LGMN: variants seen among roughly 807,000 people sequenced by gnomAD.
The protein encoded by LGMN is asparaginyl endopeptidase.
Under a neutral mutation model 56.8 loss-of-function variants are expected in LGMN, and 36 were observed. The observed-to-expected ratio is 0.63, with a 90% CI of 0.49 to 0.84. The LOEUF is 0.84. Among genes scored for constraint, LGMN ranks in the 40% least tolerant of loss-of-function variants. The probability of loss-of-function intolerance (pLI) is 0.00; values close to 1 mark genes in which losing one functional copy is unlikely to be tolerated. For synonymous variants in LGMN, 199 were observed against 210.1 expected, an observed-to-expected ratio of 0.95 and a Z score of 0.46; for missense variants, 446 against 556.1, an observed-to-expected ratio of 0.80 and a Z score of 1.99.
At chr14:92,704,424 G>A (rs375477084) in intron 13 of LGMN, 63 bp from the exon 14 acceptor site, 20 of 1,376,870 alleles carry the variant, frequency 1.5e-5, no homozygotes, top group African/African-American at 1.1e-4. Flanking sequence ...GCAGACAAAC[G>A]CAAACCCACA....
Position 92,711,923 on chromosome 14 carries a change from A to ACT in LGMN, c.641_642dup (p.Ser216ArgfsTer32). 6.2e-7 allele frequency: 1 copy of ACT among 1,613,826 alleles called. No individual in the cohort carries two copies. Among genetic ancestry groups the ACT allele is most frequent in the East Asian group, 2.2e-5 (1 of 44,866 alleles). ...TCATCATAGTAACAGGCGTAGGACG[A>ACT]CTCTCTGGGGTTGGCAGCAGTAGTT... On this transcript the variant is annotated frameshift_variant, in exon 9 of 14. Transcript: ENST00000334869. LOFTEE classifies it high-confidence loss of function.
intron 11 of LGMN, among the ~76,000 whole-genome samples, chr14:92,709,178 T>C (rs1410482903): frequency 6.6e-6 from 1 of 152,148 alleles, no homozygotes; most frequent in African/African-American, 2.4e-5. Context: ...TTGGATTTTT[T>C]TTTTTTTTAA....
At chr14:92,732,532 A>C (rs1470272955) in intron 2 of LGMN, 117 bp downstream of exon 2, 1 of 1,143,712 alleles carries the variant, frequency 8.7e-7, no homozygotes, top group African/African-American at 1.5e-5. Flanking sequence ...TGTTACAGCC[A>C]GCCTAACAGG....
At chr14:92,741,393 C>A (rs887211605) in intron 1 of LGMN, 12 of 152,198 alleles carry the variant, frequency 7.9e-5, no homozygotes, top group African/African-American at 2.9e-4. Flanking sequence ...TACACCTTAA[C>A]CACCATCAGG....
At chr14:92,709,943 GGA>G in intron 10 of LGMN, 71 bp from the exon 11 acceptor site, 5 of 1,288,392 alleles carry the variant, frequency 3.9e-6, no homozygotes, top group East Asian at 2.4e-5. Flanking sequence ...AGAGAGAGAG[GGA>G]GAGAGAGAGC....
chr14:92,743,395 C>T (rs965996881), intron 1 of LGMN, among the ~76,000 whole-genome samples: 2 of 151,870 alleles, frequency 1.3e-5, no homozygotes, highest in African/African-American at 2.4e-5. Context: ...CCCACCTACT[C>T]GGGAGGCTGA....
rs141037884 is a variant in LGMN at position 92,733,092 on chromosome 14, T to C, written c.-29-277A>G. Among the ~76,000 whole-genome samples the C allele has an allele frequency of 7.3e-3, 1,060 of 145,836 alleles. 17 individuals are homozygous for C. The highest frequency in any genetic ancestry group is 0.025 in the African/African-American group (984 of 39,114). On this transcript the variant is annotated intron_variant, in intron 1 of 13. Transcript: ENST00000334869. Reference sequence around the variant, plus strand: ...TGAACCCAGAAGACAGAGACTGCAGTGAGCTAGACTGTGCAACCATACTCC... The same window carrying C: ...TGAACCCAGAAGACAGAGACTGCAGCGAGCTAGACTGTGCAACCATACTCC...
chr14:92,745,364 A>G (rs879546807), intron 1 of LGMN, among the ~76,000 whole-genome samples: 4 of 152,206 alleles, frequency 2.6e-5, no homozygotes, highest in Non-Finnish European at 5.9e-5. Context: ...TTACTTCAAG[A>G]AATTGAAGGG....
chr14:92,708,628 G>A (rs1889567325), intron 11 of LGMN, among the ~76,000 whole-genome samples: 1 of 151,758 alleles, frequency 6.6e-6, no homozygotes, highest in African/African-American at 2.4e-5. Context: ...TGCCTAGACG[G>A]GTGGATCACC....
rs142727469 is a variant in LGMN, at chr14:92,704,181, T to TCCTGGAGCGAGC, written c.*126_*137dup. ...CGAGCAAGTCATCTTGTGAAGAAGG[T>TCCTGGAGCGAGC]CCTGGAGCGAGCCCTGGAGCGGGGG... On this transcript the variant is annotated 3_prime_UTR_variant, in exon 14 of 14. Coordinates refer to ENST00000334869, the MANE Select transcript of LGMN (RefSeq NM_005606.7). 2.0e-6 allele frequency: 2 copies of TCCTGGAGCGAGC among 1,025,416 alleles called. No homozygotes were observed. Among genetic ancestry groups the TCCTGGAGCGAGC allele is most frequent in the South Asian group, 2.6e-5 (2 of 78,322 alleles). The allele number at this position is 1,025,416 out of a possible 1,614,324, so 63.5% of individuals were successfully genotyped here. A position where few individuals can be genotyped will look rare whatever the true frequency, so the allele number is the denominator to read the frequency against.
chr14:92,715,246 T>C (rs1890014884), intron 5 of LGMN, among the ~76,000 whole-genome samples: 1 of 146,944 alleles, frequency 6.8e-6, no homozygotes, highest in Non-Finnish European at 1.5e-5. Flanking sequence ...TGAGACAGAG[T>C]CTCACTCTGT....
chr14:92,718,384 G>A (rs536180039), intron 3 of LGMN, among the ~76,000 whole-genome samples: 1 of 152,066 alleles, frequency 6.6e-6, no homozygotes, highest in African/African-American at 2.4e-5. Flanking sequence ...GACCAGCCTG[G>A]CCAACATGGT....
At chr14:92,709,619 C>A in intron 11 of LGMN, 53 bp downstream of exon 11, 1 of 1,480,018 alleles carries the variant, frequency 6.8e-7, no homozygotes, top group Middle Eastern at 2.4e-4. Context: ...ATGCATGCTG[C>A]CCACCTGGGC....
chr14:92,730,974 T>C (rs1374991285), intron 2 of LGMN, among the ~76,000 whole-genome samples: 2 of 151,974 alleles, frequency 1.3e-5, no homozygotes, highest in Non-Finnish European at 2.9e-5. Flanking sequence ...TAATTTCACC[T>C]TCTAAATGTG....
intron 1 of LGMN, among the ~76,000 whole-genome samples, chr14:92,740,107 G>A (rs996337037): frequency 1.3e-5 from 2 of 152,222 alleles, no homozygotes; most frequent in Non-Finnish European, 2.9e-5. Flanking sequence ...AATTAGCTGG[G>A]CGTGGTTGTA....
At chr14:92,708,856 C>CAAAAAAAAAAAAAAAAAAAAAA (rs58813848) in intron 11 of LGMN, among the ~76,000 whole-genome samples, 5 of 71,642 alleles carry the variant, frequency 7.0e-5, no homozygotes, top group African/African-American at 2.1e-4. Context: ...ACTCTTGTCT[C>CAAAAAAAAAAAAAAAAAAAAAA]AAAAAAAAAA....
chr14:92,735,621 C>T (rs774042902), intron 1 of LGMN, among the ~76,000 whole-genome samples: 3 of 152,132 alleles, frequency 2.0e-5, no homozygotes, highest in Non-Finnish European at 4.4e-5. Context: ...TGTCCTCAAC[C>T]CAGCATCCTG....
At chr14:92,710,187 C>T (rs1673813880) in intron 10 of LGMN, among the ~76,000 whole-genome samples, 1 of 152,244 alleles carries the variant, frequency 6.6e-6, no homozygotes, top group African/African-American at 2.4e-5. Context: ...CACCAGACAG[C>T]TCTGGTCCAA....
At chr14:92,739,979 G>A (rs141539161) in intron 1 of LGMN, among the ~76,000 whole-genome samples, 254 of 152,204 alleles carry the variant, frequency 1.7e-3, no homozygotes, top group Middle Eastern at 3.4e-3. Context: ...AGCTGGGCAC[G>A]GTGGCTCACG....
Sources: allele counts gnomAD v4.1 joint callset (sites outside exome capture counted in the v4.1 genomes callset), GRCh38; gene constraint gnomAD v4.1.1; transcripts MANE v1.5; gene names NCBI Gene and HGNC (gene_info 2026-07-23, HGNC 2026-07-21).